MAST4: variants seen among roughly 807,000 people sequenced by gnomAD.
The protein encoded by MAST4 is microtubule associated serine/threonine kinase family member 4.
MAST4 carries 89 observed loss-of-function variants against 162.7 expected under a neutral mutation model. The observed-to-expected ratio is 0.55, with a 90% CI of 0.46 to 0.65. MAST4 has a LOEUF of 0.65. MAST4 is among the 30% of genes least tolerant of loss of function. The probability of loss-of-function intolerance (pLI) is 0.00; values close to 1 mark genes in which losing one functional copy is unlikely to be tolerated. For synonymous variants in MAST4, 1,479 were observed against 1,361.1 expected, an observed-to-expected ratio of 1.09 and a Z score of -1.91; for missense variants, 3,153 against 3,374.0, an observed-to-expected ratio of 0.93 and a Z score of 1.62.
intron 4 of MAST4, among the ~76,000 whole-genome samples, chr5:66,988,773 G>C (rs1473161094): frequency 6.6e-6 from 1 of 152,146 alleles, no homozygotes; most frequent in Non-Finnish European, 1.5e-5. Context: ...TGACAAGTTT[G>C]AGTCTACAAA....
chr5:66,919,967 T>TCCTC, intron 4 of MAST4, among the ~76,000 whole-genome samples: 1 of 109,984 alleles, frequency 9.1e-6, no homozygotes, highest in South Asian at 4.1e-4. Flanking sequence ...CTTCCTTCCT[T>TCCTC]CCTTCCTTCT....
chr5:66,659,776 A>G (rs1746786069), intron 1 of MAST4, among the ~76,000 whole-genome samples: 1 of 152,252 alleles, frequency 6.6e-6, no homozygotes, highest in African/African-American at 2.4e-5. Flanking sequence ...ATAAGTAATG[A>G]TAATGCTGTG....
At chr5:66,898,910 G>A (rs191966498) in intron 3 of MAST4, among the ~76,000 whole-genome samples, 28 of 152,294 alleles carry the variant, frequency 1.8e-4, no homozygotes, top group African/African-American at 6.5e-4. Flanking sequence ...AGTGATAGCT[G>A]AGCCTGCTGT....
intron 4 of MAST4, chr5:66,902,573 C>T (rs1763079200): frequency 3.4e-6 from 1 of 298,152 alleles, no homozygotes; most frequent in Non-Finnish European, 7.0e-6. Context: ...TTCACATCCC[C>T]ACTAATTTAT....
chr5:66,697,829 A>G (rs1749501424), intron 1 of MAST4, among the ~76,000 whole-genome samples: 2 of 152,354 alleles, frequency 1.3e-5, no homozygotes, highest in South Asian at 2.1e-4. Context: ...ATCAACAGAT[A>G]TAATCACAAG....
Position 66,905,175 on chromosome 5 carries a change from C to T in MAST4, c.674+5193C>T, listed in dbSNP as rs368044591. 3.9e-5 allele frequency among the ~76,000 whole-genome samples: 6 copies of T among 151,992 alleles called. 1 individual carries two copies. The highest frequency in any genetic ancestry group is 1.2e-4 in the African/African-American group (5 of 41,454). ...TACAAAAATTAACCAGGCTTGGAGG[C>T]GCATGCCTGTAATTCCAGCTACTCT... is the stretch of plus-strand genomic sequence containing the variant. On this transcript the variant is annotated intron_variant, in intron 4 of 28. Coordinates refer to ENST00000403625, the MANE Select transcript of MAST4 (RefSeq NM_001164664.2).
chr5:67,111,976 C>G (rs867516880), intron 11 of MAST4, among the ~76,000 whole-genome samples: 2 of 152,050 alleles, frequency 1.3e-5, no homozygotes, highest in South Asian at 4.2e-4. Context: ...CTCTGTCAGT[C>G]ATTGTAGTAG....
intron 3 of MAST4, among the ~76,000 whole-genome samples, chr5:66,805,378 T>G (rs1325100745): frequency 6.6e-6 from 1 of 152,232 alleles, no homozygotes; most frequent in Non-Finnish European, 1.5e-5. Flanking sequence ...CATGGTATGT[T>G]TAACATCTAA....
In MAST4 at chr5:66,835,747, A is replaced by G. The variant is rs929078634; in HGVS notation, c.642+46953A>G. On this transcript the variant is annotated intron_variant, in intron 3 of 28. Coordinates refer to ENST00000403625, the MANE Select transcript of MAST4 (RefSeq NM_001164664.2). ...TCAAATAAATTATATGTAACCATAG[A>G]GCTTTTTAAAGTGTCTTAGAAATTA... Among the ~76,000 whole-genome samples the G allele has an allele frequency of 5.9e-5, 9 of 152,314 alleles. 1 individual carries two copies. Among genetic ancestry groups the G allele is most frequent in the Admixed American group, 5.2e-4 (8 of 15,290 alleles).
chr5:66,750,775 G>T (rs185442772), intron 1 of MAST4, among the ~76,000 whole-genome samples: 1 of 152,216 alleles, frequency 6.6e-6, no homozygotes, highest in Non-Finnish European at 1.5e-5. Context: ...GGGGAAGCTC[G>T]AACTGGGTGG....
intron 3 of MAST4, among the ~76,000 whole-genome samples, chr5:66,828,214 C>T (rs1246937902): frequency 6.6e-6 from 1 of 152,184 alleles, no homozygotes; most frequent in East Asian, 1.9e-4. Context: ...GGCTTTCATG[C>T]TGGGAGGTGT....
chr5:66,934,531 C>T (rs967954469), intron 4 of MAST4, among the ~76,000 whole-genome samples: 2 of 151,810 alleles, frequency 1.3e-5, no homozygotes, highest in East Asian at 1.9e-4. Context: ...GTTAACGACA[C>T]GGCAACAAAA....
At chr5:67,081,328 G>T (rs552095691) in intron 5 of MAST4, among the ~76,000 whole-genome samples, 15 of 151,506 alleles carry the variant, frequency 9.9e-5, no homozygotes, top group Non-Finnish European at 1.8e-4. Flanking sequence ...AATTGACATG[G>T]TATGATATAC....
intron 1 of MAST4, among the ~76,000 whole-genome samples, chr5:66,657,994 G>A (rs1580123074): frequency 6.6e-6 from 1 of 152,326 alleles, no homozygotes; most frequent in East Asian, 1.9e-4. Flanking sequence ...TTATATACAA[G>A]TTTAGTGTAC....
intron 1 of MAST4, among the ~76,000 whole-genome samples, chr5:66,736,754 G>A (rs1271684614): frequency 1.3e-5 from 2 of 152,198 alleles, no homozygotes; most frequent in African/African-American, 4.8e-5. Context: ...CCTAGAGATG[G>A]TGTGATACAC....
At chr5:67,041,078 T>C (rs1756681598) in intron 4 of MAST4, among the ~76,000 whole-genome samples, 1 of 152,228 alleles carries the variant, frequency 6.6e-6, no homozygotes, top group Admixed American at 6.5e-5. Flanking sequence ...ATTATTATTA[T>C]TTTTAATCAC....
In MAST4 at chr5:67,165,507, T is replaced by A. The variant is rs201782752; in HGVS notation, c.6328T>A (p.Ser2110Thr). 4.3e-5 allele frequency: 69 copies of A among 1,613,942 alleles called. No individual in the cohort carries two copies. The African/African-American group carries it at 9.1e-4, about 21-fold the overall frequency. Residue 2110 changes from serine (S) to threonine (T), a missense_variant, in exon 29 of 29, where the codon TCT (serine) becomes ACT (threonine). Physicochemically the swap from Ser to Thr is moderately conservative, Grantham distance 58. Transcript: ENST00000403625. ...EKSEKLSSFP[S>T]LQKDGAKEPE... ...GAGTGAAAAGCTCTCCAGTTTCCCA[T>A]CTTTGCAGAAAGATGGTGCCAAGGA... is the stretch of plus-strand genomic sequence containing the variant.
intron 1 of MAST4, among the ~76,000 whole-genome samples, chr5:66,709,449 G>T (rs1413057519): frequency 6.6e-6 from 1 of 152,068 alleles, no homozygotes; most frequent in African/African-American, 2.4e-5. Flanking sequence ...CCAACTAGCT[G>T]GGACTACAGG....
chr5:66,714,550 T>C (rs1444282949), intron 1 of MAST4, among the ~76,000 whole-genome samples: 1 of 152,206 alleles, frequency 6.6e-6, no homozygotes, highest in Non-Finnish European at 1.5e-5. Flanking sequence ...TTCATCTGAA[T>C]TTTACTTTGG....
Sources: allele counts gnomAD v4.1 joint callset (sites outside exome capture counted in the v4.1 genomes callset), GRCh38; gene constraint gnomAD v4.1.1; transcripts MANE v1.5; gene names NCBI Gene and HGNC (gene_info 2026-07-23, HGNC 2026-07-21).